Variants in SPARC observed in about 807,000 individuals in gnomAD.
SPARC encodes the protein secreted protein acidic and cysteine rich.
In SPARC, 23 loss-of-function variants were observed where a neutral mutation model predicts 37.7. The observed-to-expected ratio is 0.61, with a 90% CI of 0.44 to 0.87. SPARC has a LOEUF of 0.87. SPARC is among the 40% of genes least tolerant of loss of function. SPARC has a pLI of 0.00. For missense variants in SPARC, 312 were observed against 389.0 expected, an observed-to-expected ratio of 0.80 and a Z score of 1.66; for synonymous variants, 155 against 150.8, an observed-to-expected ratio of 1.03 and a Z score of -0.20.
intron 1 of SPARC, among the ~76,000 whole-genome samples, chr5:151,678,721 G>A (rs948623798): frequency 2.0e-5 from 3 of 152,168 alleles, no homozygotes; most frequent in African/African-American, 7.2e-5. Flanking sequence ...GAGTGGGGGA[G>A]AAATGCAGAG....
At position 151,671,663 on chromosome 5, in the gene SPARC, G is replaced by C; in HGVS notation, c.240C>G (p.Gly80=). ...TGTTCTCATCCAGCTCGCACACCTT[G>C]CCGTGTTTGCAGTGGTGGTTCTGGC... ...NPCQNHHCKH[G]KVCELDENNT... Residue 80 remains glycine (G), a synonymous_variant, in exon 5 of 10, where the codon GGC becomes GGG. Transcript: ENST00000231061. 6.2e-7 allele frequency: 1 copy of C among 1,613,434 alleles called. No homozygotes were observed. Among genetic ancestry groups the C allele is most frequent in the Non-Finnish European group, 8.5e-7 (1 of 1,179,602 alleles).
At chr5:151,683,901 T>C (rs921218110) in intron 1 of SPARC, among the ~76,000 whole-genome samples, 1 of 152,222 alleles carries the variant, frequency 6.6e-6, no homozygotes, top group East Asian at 1.9e-4. Context: ...ATGAAATCGA[T>C]GTTTATACTC....
intron 7 of SPARC, 53 bp from the exon 8 acceptor site, chr5:151,666,562 C>G (rs1760627323): frequency 6.4e-7 from 1 of 1,560,256 alleles, no homozygotes; most frequent in African/African-American, 1.3e-5. Flanking sequence ...TTGTCTGGAC[C>G]AGTCGGGCCC....
chr5:151,682,910 C>T (rs1354993215), intron 1 of SPARC, among the ~76,000 whole-genome samples: 2 of 152,162 alleles, frequency 1.3e-5, no homozygotes. Flanking sequence ...CAATTGTTGT[C>T]TATGTTCATG....
chr5:151,668,393 TC>T (rs1261411256), intron 6 of SPARC, among the ~76,000 whole-genome samples: 2 of 152,136 alleles, frequency 1.3e-5, no homozygotes, highest in African/African-American at 4.8e-5. Context: ...GCTCAAGTGA[TC>T]CTCCCTACTC....
intron 5 of SPARC, among the ~76,000 whole-genome samples, chr5:151,671,198 C>G (rs1041404295): frequency 6.6e-6 from 1 of 152,144 alleles, no homozygotes; most frequent in Non-Finnish European, 1.5e-5. Context: ...TGAAAAGGTT[C>G]GGCAACTTAG....
intron 7 of SPARC, 88 bp from the exon 8 acceptor site, chr5:151,666,597 G>T: frequency 7.7e-7 from 1 of 1,299,364 alleles, no homozygotes; most frequent in Non-Finnish European, 1.1e-6. Context: ...GAAGGCCAGA[G>T]CAGGCAGAGA....
intron 1 of SPARC, among the ~76,000 whole-genome samples, chr5:151,680,280 G>A (rs1760957163): frequency 7.9e-6 from 1 of 126,526 alleles, no homozygotes; most frequent in Non-Finnish European, 1.6e-5. Context: ...AGACTGGAGT[G>A]TGGTTGGCGC....
chr5:151,679,369 G>A (rs1191329926), intron 1 of SPARC: 1 of 152,238 alleles, frequency 6.6e-6, no homozygotes, highest in African/African-American at 2.4e-5. Flanking sequence ...GGGCTAGGGT[G>A]AGAACCCGTG....
At chr5:151,671,790 T>G in intron 4 of SPARC, 96 bp from the exon 5 acceptor site, 3 of 1,533,274 alleles carry the variant, frequency 2.0e-6, no homozygotes, top group Non-Finnish European at 2.7e-6. Flanking sequence ...AGTCCTTGAC[T>G]GTGGCCCCCA....
chr5:151,686,338 C>T (rs1009104090), intron 1 of SPARC: 3 of 152,170 alleles, frequency 2.0e-5, no homozygotes, highest in Non-Finnish European at 4.4e-5. Flanking sequence ...GAAGGCTTCC[C>T]AGAGGTGTGG....
chr5:151,675,301 G>A (rs1421663054), intron 2 of SPARC, among the ~76,000 whole-genome samples: 2 of 152,154 alleles, frequency 1.3e-5, no homozygotes, highest in Non-Finnish European at 2.9e-5. Flanking sequence ...GGGATCACAG[G>A]TTGAAAGAAA....
intron 6 of SPARC, among the ~76,000 whole-genome samples, chr5:151,668,442 C>T (rs955928826): frequency 2.6e-5 from 4 of 152,136 alleles, no homozygotes; most frequent in South Asian, 2.1e-4. Flanking sequence ...CGTGAGCCAC[C>T]GCGCCTGACC....
At chr5:151,674,156 C>T (rs2113102161) in intron 3 of SPARC, among the ~76,000 whole-genome samples, 1 of 152,158 alleles carries the variant, frequency 6.6e-6, no homozygotes, top group South Asian at 2.1e-4. Flanking sequence ...GGATTACAGG[C>T]ACCCGCCACC....
Position 151,676,221 on chromosome 5 carries a change from A to G in SPARC, c.-13-20T>C. ...GGAACCCTATGGGGAGGAGAGATTGAGAGTTCAGTGAGGGTGAGACTTCCT... is the reference window on the plus strand; with the variant it reads ...GGAACCCTATGGGGAGGAGAGATTGGGAGTTCAGTGAGGGTGAGACTTCCT... On this transcript the variant is annotated intron_variant, in intron 1 of 9. Transcript: ENST00000231061. 6.3e-7 allele frequency: 1 copy of G among 1,575,528 alleles called. No homozygotes were observed. Among genetic ancestry groups the G allele is most frequent in the Non-Finnish European group, 8.7e-7 (1 of 1,150,510 alleles).
chr5:151,684,495 T>C (rs1194233110), intron 1 of SPARC, among the ~76,000 whole-genome samples: 1 of 149,776 alleles, frequency 6.7e-6, no homozygotes, highest in African/African-American at 2.5e-5. Context: ...CACAAGAAGT[T>C]CCCCAAATCA....
intron 9 of SPARC, 21 bp from the exon 10 acceptor site, chr5:151,663,620 A>G: frequency 6.2e-7 from 1 of 1,613,700 alleles, no homozygotes; most frequent in Non-Finnish European, 8.5e-7. Flanking sequence ...AGAAAAGAGC[A>G]CGGTTAAAAA....
chr5:151,669,884 G>A, intron 5 of SPARC, 100 bp from the exon 6 acceptor site: 1 of 1,490,478 alleles, frequency 6.7e-7, no homozygotes, highest in Non-Finnish European at 9.2e-7. Flanking sequence ...TGAGGGTTAA[G>A]CAAGGAATGT....
At chr5:151,666,281 G>A (rs1760617286) in intron 8 of SPARC, 80 bp downstream of exon 8, 1 of 1,449,608 alleles carries the variant, frequency 6.9e-7, no homozygotes, top group Admixed American at 1.8e-5. Flanking sequence ...GAGCAGTATA[G>A]GCTGCTGAGA....
Sources: allele counts gnomAD v4.1 joint callset (sites outside exome capture counted in the v4.1 genomes callset), GRCh38; gene constraint gnomAD v4.1.1; transcripts MANE v1.5; gene names NCBI Gene and HGNC (gene_info 2026-07-23, HGNC 2026-07-21).